Variants in LUZP2 observed in about 807,000 individuals in gnomAD.
LUZP2 encodes the protein leucine zipper protein 2.
A neutral mutation model predicts 51.6 loss-of-function variants in LUZP2; 52 were observed. The ratio of observed to expected loss-of-function variants is 1.01; its 90% confidence interval spans 0.81 to 1.27. The LOEUF is 1.27. LUZP2 is among the 50% of genes most tolerant of loss of function. LUZP2 has a pLI of 0.00. For synonymous variants in LUZP2, 154 were observed against 137.3 expected, an observed-to-expected ratio of 1.12 and a Z score of -0.85; for missense variants, 436 against 395.4, an observed-to-expected ratio of 1.10 and a Z score of -0.87.
chr11:24,642,768 G>A (rs914080948), intron 1 of LUZP2, among the ~76,000 whole-genome samples: 3 of 151,476 alleles, frequency 2.0e-5, no homozygotes, highest in Non-Finnish European at 1.5e-5. Flanking sequence ...AGAGAAAGTG[G>A]TTTTTCTTTT....
chr11:24,774,521 A>G (rs1450621820), intron 5 of LUZP2, among the ~76,000 whole-genome samples: 8 of 95,248 alleles, frequency 8.4e-5, no homozygotes, highest in Non-Finnish European at 1.5e-4. Context: ...TTCTATATAT[A>G]TGTAGAATAT....
intron 7 of LUZP2, among the ~76,000 whole-genome samples, chr11:24,938,682 G>T (rs1854659263): frequency 1.3e-5 from 2 of 151,912 alleles, no homozygotes; most frequent in Non-Finnish European, 2.9e-5. Context: ...TGAGGAAAAT[G>T]ATACCATATT....
intron 10 of LUZP2, among the ~76,000 whole-genome samples, chr11:25,057,629 A>G (rs1858726224): frequency 6.6e-6 from 1 of 152,140 alleles, no homozygotes; most frequent in African/African-American, 2.4e-5. Flanking sequence ...TTAGGAATTA[A>G]GAGTTAATAT....
intron 1 of LUZP2, among the ~76,000 whole-genome samples, chr11:24,632,000 C>G (rs943009909): frequency 6.6e-6 from 1 of 151,972 alleles, no homozygotes; most frequent in Non-Finnish European, 1.5e-5. Flanking sequence ...AAGTGACCCA[C>G]AATCAAAATG....
intron 9 of LUZP2, among the ~76,000 whole-genome samples, chr11:25,049,565 A>T (rs1858426603): frequency 6.6e-6 from 1 of 152,152 alleles, no homozygotes; most frequent in South Asian, 2.1e-4. Flanking sequence ...ATTAGTTAGT[A>T]TACATATTGG....
intron 9 of LUZP2, among the ~76,000 whole-genome samples, chr11:25,031,647 A>G (rs911601446): frequency 4.0e-5 from 6 of 151,406 alleles, no homozygotes; most frequent in African/African-American, 1.5e-4. Flanking sequence ...GCATTTTCTA[A>G]TTTATTTGAG....
intron 7 of LUZP2, among the ~76,000 whole-genome samples, chr11:24,956,923 TA>T (rs199531980): frequency 5.3e-5 from 8 of 151,652 alleles, no homozygotes; most frequent in East Asian, 1.9e-4. Flanking sequence ...ATTCATGGAA[TA>T]AAAAAAAATT....
At chr11:24,891,251 A>T in intron 5 of LUZP2, 4 of 984,704 alleles carry the variant, frequency 4.1e-6, no homozygotes, top group Non-Finnish European at 4.8e-6. Context: ...TTCCACAAAA[A>T]TTTTAAGTGA....
At chr11:24,519,466 A>C (rs1170650968) in intron 1 of LUZP2, among the ~76,000 whole-genome samples, 1 of 152,192 alleles carries the variant, frequency 6.6e-6, no homozygotes, top group Non-Finnish European at 1.5e-5. Context: ...TTTTGTGCTG[A>C]AGTCAATTAA....
chr11:24,767,073 TA>T (rs1465883381), intron 5 of LUZP2, among the ~76,000 whole-genome samples: 1 of 152,182 alleles, frequency 6.6e-6, no homozygotes, highest in Non-Finnish European at 1.5e-5. Context: ...CCCAGTTTGT[TA>T]TTTTTTTTAT....
intron 1 of LUZP2, among the ~76,000 whole-genome samples, chr11:24,621,420 G>A (rs12578051): frequency 0.13 from 20,414 of 151,964 alleles, 1,738 homozygotes; most frequent in East Asian, 0.24. Flanking sequence ...TTTTTATGAA[G>A]TCAGTGAATT....
chr11:24,981,451 G>T (rs1856026925), intron 8 of LUZP2, among the ~76,000 whole-genome samples: 1 of 151,678 alleles, frequency 6.6e-6, no homozygotes. Flanking sequence ...GGGGGTTTTG[G>T]CTGGTTTCTT....
chr11:24,713,802 C>A (rs1479107267), intron 1 of LUZP2, among the ~76,000 whole-genome samples: 1 of 145,426 alleles, frequency 6.9e-6, no homozygotes, highest in Non-Finnish European at 1.5e-5. Flanking sequence ...GATTCTCCTT[C>A]CTCAGCCTCC....
intron 5 of LUZP2, among the ~76,000 whole-genome samples, chr11:24,800,544 A>C (rs1332109423): frequency 1.3e-5 from 2 of 149,322 alleles, no homozygotes; most frequent in East Asian, 4.4e-4. Flanking sequence ...TTAACTCAAA[A>C]AAAAAAAAAT....
intron 7 of LUZP2, among the ~76,000 whole-genome samples, chr11:24,961,878 G>A (rs1449997206): frequency 2.6e-5 from 4 of 151,542 alleles, no homozygotes; most frequent in Non-Finnish European, 4.4e-5. Context: ...TTTTGCAGTG[G>A]CTGGTACCGG....
At chr11:24,958,707 T>G (rs1241252740) in intron 7 of LUZP2, among the ~76,000 whole-genome samples, 1 of 152,208 alleles carries the variant, frequency 6.6e-6, no homozygotes, top group Non-Finnish European at 1.5e-5. Context: ...GTGGGTTGCC[T>G]GTTCACTCTG....
chr11:24,540,231 G>A (rs1442522765), intron 1 of LUZP2, among the ~76,000 whole-genome samples: 2 of 152,026 alleles, frequency 1.3e-5, no homozygotes, highest in Non-Finnish European at 2.9e-5. Context: ...AAATACGTTA[G>A]AAGCCCACAA....
chr11:24,992,313 T>G (rs890237794), intron 9 of LUZP2, among the ~76,000 whole-genome samples: 1 of 152,050 alleles, frequency 6.6e-6, no homozygotes, highest in African/African-American at 2.4e-5. Flanking sequence ...AAACATTTAT[T>G]GTACTCTATT....
In LUZP2 at chr11:24,923,978, C is replaced by T. The variant is rs1445796810; in HGVS notation, c.522+9440C>T. On this transcript the variant is annotated intron_variant, in intron 7 of 11. Coordinates refer to ENST00000336930, the MANE Select transcript of LUZP2 (RefSeq NM_001009909.4). The stretch of plus-strand genomic sequence containing the variant: ...AATACCTCGTTGACTGTTATTCTAC[C>T]CTCTCTTTCTTCGTTTAAAATATGG... Among the ~76,000 whole-genome samples the T allele has an allele frequency of 5.9e-5, 9 of 152,062 alleles. No homozygotes were observed. The East Asian group carries it at 1.7e-3, about 29-fold the overall frequency.
Sources: allele counts gnomAD v4.1 joint callset (sites outside exome capture counted in the v4.1 genomes callset), GRCh38; gene constraint gnomAD v4.1.1; transcripts MANE v1.5; gene names NCBI Gene and HGNC (gene_info 2026-07-23, HGNC 2026-07-21).